SCFD2: variants seen among roughly 807,000 people sequenced by gnomAD.
SCFD2 encodes the protein sec1 family domain containing 2.
Under a neutral mutation model 58.9 loss-of-function variants are expected in SCFD2, and 54 were observed. That is an observed-to-expected ratio of 0.92 (90% CI 0.74 to 1.15). The LOEUF (loss-of-function observed/expected upper bound fraction) is 1.15. Among genes scored for constraint, SCFD2 ranks in the 50% most tolerant of loss-of-function variants. SCFD2 has a pLI of 0.00. For synonymous variants in SCFD2, 321 were observed against 335.9 expected, an observed-to-expected ratio of 0.96 and a Z score of 0.49; for missense variants, 805 against 836.6, an observed-to-expected ratio of 0.96 and a Z score of 0.47.
chr4:53,260,172 AAAC>A (rs1397262519), intron 4 of SCFD2, among the ~76,000 whole-genome samples: 2 of 152,264 alleles, frequency 1.3e-5, no homozygotes, highest in South Asian at 2.1e-4. Flanking sequence ...TATCATCAGC[AAAC>A]AACAAGAGTT....
At chr4:53,184,814 G>C (rs1016825561) in intron 4 of SCFD2, among the ~76,000 whole-genome samples, 1 of 151,964 alleles carries the variant, frequency 6.6e-6, no homozygotes, top group Non-Finnish European at 1.5e-5. Flanking sequence ...GTAGAAGCTT[G>C]GAAACTTCTT....
At chr4:52,964,321 G>A (rs1416097403) in intron 5 of SCFD2, among the ~76,000 whole-genome samples, 1 of 152,182 alleles carries the variant, frequency 6.6e-6, no homozygotes, top group African/African-American at 2.4e-5. Flanking sequence ...CTTGGCAGAA[G>A]GGTAAACATG....
chr4:53,353,416 A>C (rs1734299360), intron 1 of SCFD2, among the ~76,000 whole-genome samples: 1 of 152,184 alleles, frequency 6.6e-6, no homozygotes, highest in Non-Finnish European at 1.5e-5. Flanking sequence ...TATTGCAGAG[A>C]GCAAATGAAC....
At chr4:52,974,392 C>A (rs1032815715) in intron 5 of SCFD2, among the ~76,000 whole-genome samples, 2 of 152,044 alleles carry the variant, frequency 1.3e-5, no homozygotes, top group African/African-American at 2.4e-5. Context: ...AAACAGAGAG[C>A]CAAATCATGA....
At chr4:52,883,228 T>G (rs1270271560) in intron 8 of SCFD2, among the ~76,000 whole-genome samples, 1 of 152,212 alleles carries the variant, frequency 6.6e-6, no homozygotes, top group Non-Finnish European at 1.5e-5. Flanking sequence ...TCGGCAGAGT[T>G]TGCTGTAGGG....
At chr4:52,952,285 C>T (rs1469323492) in intron 5 of SCFD2, among the ~76,000 whole-genome samples, 1 of 139,762 alleles carries the variant, frequency 7.2e-6, no homozygotes, top group African/African-American at 2.6e-5. Context: ...ACACCCCCAT[C>T]CCCTCTCACA....
At chr4:53,249,007 G>C (rs190431060) in intron 4 of SCFD2, among the ~76,000 whole-genome samples, 2 of 152,172 alleles carry the variant, frequency 1.3e-5, no homozygotes, top group Non-Finnish European at 2.9e-5. Context: ...AAACTACTCC[G>C]AGCTATGGGA....
At chr4:53,165,089 C>T (rs1339447849) in intron 4 of SCFD2, among the ~76,000 whole-genome samples, 1 of 152,194 alleles carries the variant, frequency 6.6e-6, no homozygotes, top group Admixed American at 6.5e-5. Flanking sequence ...TTCCCTTACT[C>T]TTGCTGCTCC....
chr4:53,053,655 G>A (rs144025379), intron 5 of SCFD2, among the ~76,000 whole-genome samples: 508 of 152,218 alleles, frequency 3.3e-3, no homozygotes, highest in African/African-American at 0.012. Context: ...TCACCTCCAT[G>A]TTTCTGCATC....
At chr4:53,214,919 G>C (rs1024167728) in intron 4 of SCFD2, among the ~76,000 whole-genome samples, 57 of 152,056 alleles carry the variant, frequency 3.7e-4, no homozygotes, top group Non-Finnish European at 6.3e-4. Context: ...AATCCTTTCT[G>C]CATTGCTTGT....
At chr4:53,278,727 C>T (rs938662608) in intron 3 of SCFD2, among the ~76,000 whole-genome samples, 3 of 152,124 alleles carry the variant, frequency 2.0e-5, no homozygotes, top group Non-Finnish European at 4.4e-5. Flanking sequence ...TATTCACCTT[C>T]TCTACTCTGT....
At chr4:53,240,190 AGGTCTGAGGGAATTC>A (rs1228442365) in intron 4 of SCFD2, among the ~76,000 whole-genome samples, 3 of 152,196 alleles carry the variant, frequency 2.0e-5, no homozygotes, top group Admixed American at 2.0e-4. Flanking sequence ...AGTCGGGCCC[AGGTCTGAGGGAATTC>A]TCATCTACCT....
chr4:53,034,342 T>G (rs1722701905), intron 5 of SCFD2, among the ~76,000 whole-genome samples: 1 of 152,074 alleles, frequency 6.6e-6, no homozygotes, highest in Non-Finnish European at 1.5e-5. Flanking sequence ...TAAGAGCTAT[T>G]TATGACAAAC....
intron 4 of SCFD2, among the ~76,000 whole-genome samples, chr4:53,174,115 A>G (rs971721592): frequency 2.0e-5 from 3 of 152,160 alleles, no homozygotes; most frequent in African/African-American, 7.2e-5. Context: ...AAGCAGGAAA[A>G]TAGTAAAATG....
intron 5 of SCFD2, among the ~76,000 whole-genome samples, chr4:52,973,822 G>C (rs1048079241): frequency 6.6e-6 from 1 of 152,188 alleles, no homozygotes; most frequent in Non-Finnish European, 1.5e-5. Context: ...TATCCACGAT[G>C]ATCAAGTGGG....
chr4:53,008,092 T>C (rs1340756619), intron 5 of SCFD2, among the ~76,000 whole-genome samples: 3 of 152,170 alleles, frequency 2.0e-5, no homozygotes, highest in African/African-American at 7.2e-5. Flanking sequence ...AAAAGGACTA[T>C]GTACAAACAT....
At chr4:52,900,316 A>T (rs1278507619) in intron 7 of SCFD2, among the ~76,000 whole-genome samples, 1 of 152,198 alleles carries the variant, frequency 6.6e-6, no homozygotes. Flanking sequence ...GGTGACGTAC[A>T]GATGGGTTTT....
At chr4:52,984,277 C>G (rs1030566211) in intron 5 of SCFD2, among the ~76,000 whole-genome samples, 12 of 152,150 alleles carry the variant, frequency 7.9e-5, no homozygotes, top group Non-Finnish European at 2.9e-5. Context: ...TGAACATTTA[C>G]AATATTAAAA....
chr4:52,888,848 C>T (rs1560470834), intron 7 of SCFD2, among the ~76,000 whole-genome samples: 1 of 152,192 alleles, frequency 6.6e-6, no homozygotes. Flanking sequence ...ACCTCTCAAA[C>T]CTATGTCTTT....
Sources: gnomAD v4.1 joint callset for allele counts (sites outside exome capture counted in the v4.1 genomes callset) on GRCh38, gnomAD v4.1.1 for gene constraint, MANE v1.5 for transcripts, NCBI Gene and HGNC (gene_info 2026-07-23, HGNC 2026-07-21) for gene names.